ARFGAP3: variants seen among roughly 807,000 people sequenced by gnomAD.
ARFGAP3 encodes the protein ARF GTPase activating protein 3.
ARFGAP3 carries 72 observed loss-of-function variants against 75.0 expected under a neutral mutation model. That is an observed-to-expected ratio of 0.96 (90% confidence interval 0.79 to 1.17). ARFGAP3 has a LOEUF of 1.17. Ranked by LOEUF, ARFGAP3 falls within the 50% of genes most tolerant of loss-of-function variation. ARFGAP3 has a pLI of 0.00. For missense variants in ARFGAP3, 620 were observed against 626.6 expected (o/e 0.99, Z 0.11); for synonymous variants, 221 against 217.9 (o/e 1.01, Z -0.13).
At chr22:42,830,648 A>T (rs1234514529) in intron 6 of ARFGAP3, among the ~76,000 whole-genome samples, 1 of 152,264 alleles carries the variant, frequency 6.6e-6, no homozygotes, top group Non-Finnish European at 1.5e-5. Flanking sequence ...TACTCATGTC[A>T]CAAGTGATTT....
At chr22:42,828,036 G>A (rs756952422) in intron 6 of ARFGAP3, among the ~76,000 whole-genome samples, 1 of 152,190 alleles carries the variant, frequency 6.6e-6, no homozygotes, top group Non-Finnish European at 1.5e-5. Context: ...TGTAATCCCA[G>A]CACTTTGGGA....
At chr22:42,815,287 T>C (rs918175472) in intron 11 of ARFGAP3, among the ~76,000 whole-genome samples, 12 of 152,184 alleles carry the variant, frequency 7.9e-5, no homozygotes, top group African/African-American at 2.9e-4. Flanking sequence ...TTAAAAGGCA[T>C]GATTTGGGTA....
chr22:42,822,197 A>C, intron 9 of ARFGAP3, 73 bp downstream of exon 9: 22 of 1,189,180 alleles, frequency 1.9e-5, no homozygotes, highest in East Asian at 5.5e-5. Context: ...AATACATGGC[A>C]TTTGGAAAGC....
chr22:42,799,244 C>T, intron 14 of ARFGAP3, 84 bp from the exon 15 acceptor site: 1 of 1,569,656 alleles, frequency 6.4e-7, no homozygotes, highest in Non-Finnish European at 8.7e-7. Flanking sequence ...TCAACGGCTC[C>T]AGAGAACCCG....
intron 6 of ARFGAP3, among the ~76,000 whole-genome samples, chr22:42,827,644 G>A (rs1285066642): frequency 2.0e-5 from 3 of 152,202 alleles, no homozygotes; most frequent in African/African-American, 7.2e-5. Context: ...AGGATTACAG[G>A]CGTGAGCCAC....
intron 3 of ARFGAP3, 33 bp downstream of exon 3, chr22:42,840,909 CAA>C (rs762845478): frequency 6.2e-7 from 1 of 1,605,158 alleles, no homozygotes; most frequent in East Asian, 2.2e-5. Context: ...AATATTTAAA[CAA>C]GAAGGAAAAT....
chr22:42,829,151 T>C (rs1408524265), intron 6 of ARFGAP3, among the ~76,000 whole-genome samples: 3 of 152,228 alleles, frequency 2.0e-5, no homozygotes, highest in African/African-American at 7.2e-5. Context: ...ATGGCTCAGG[T>C]AGATTTCTCA....
intron 6 of ARFGAP3, among the ~76,000 whole-genome samples, chr22:42,828,051 G>A (rs780433675): frequency 2.0e-5 from 3 of 151,836 alleles, no homozygotes; most frequent in Admixed American, 6.6e-5. Context: ...TTGGGAGGTC[G>A]AGGCGGGCAG....
At chr22:42,851,745 C>A (rs930182293) in intron 1 of ARFGAP3, among the ~76,000 whole-genome samples, 5 of 152,164 alleles carry the variant, frequency 3.3e-5, no homozygotes, top group African/African-American at 9.7e-5. Flanking sequence ...GCTTTTAAAG[C>A]AGAACATCAG....
At chr22:42,800,209 C>T (rs907335631) in intron 14 of ARFGAP3, among the ~76,000 whole-genome samples, 1 of 152,126 alleles carries the variant, frequency 6.6e-6, no homozygotes, top group Non-Finnish European at 1.5e-5. Context: ...ACTCCCTAAG[C>T]CCCACATGAC....
chr22:42,844,030 T>C (rs959260335), intron 2 of ARFGAP3, among the ~76,000 whole-genome samples: 1 of 152,148 alleles, frequency 6.6e-6, no homozygotes, highest in African/African-American at 2.4e-5. Flanking sequence ...AAAACTCCAG[T>C]TAAATATGCA....
chr22:42,822,417 A>G lies in ARFGAP3; in HGVS notation c.673-8T>C, dbSNP rs1429365044. On this transcript the variant is annotated splice_polypyrimidine_tract_variant and splice_region_variant and intron_variant, in intron 8 of 15. Transcript: ENST00000263245. ...TCCTTTTTTGGCCCCAAGCTAGAAC[A>G]TATATAAGACTATAGTCTACACGAG... 6.2e-7 allele frequency: 1 copy of G among 1,613,568 alleles called. No individual in the cohort carries two copies. Among genetic ancestry groups the G allele is most frequent in the South Asian group, 1.1e-5 (1 of 91,030 alleles).
intron 11 of ARFGAP3, among the ~76,000 whole-genome samples, chr22:42,813,302 G>C (rs935306538): frequency 3.3e-5 from 5 of 152,150 alleles, no homozygotes; most frequent in African/African-American, 1.2e-4. Context: ...TCACGGAGCT[G>C]ACCTGGGACC....
intron 1 of ARFGAP3, among the ~76,000 whole-genome samples, chr22:42,854,763 C>A (rs774062093): frequency 8.5e-5 from 13 of 152,076 alleles, no homozygotes; most frequent in Non-Finnish European, 1.3e-4. Context: ...CTTTGATTAC[C>A]TTTCCTGGCT....
At chr22:42,823,253 G>A (rs542096670) in intron 8 of ARFGAP3, among the ~76,000 whole-genome samples, 1 of 152,038 alleles carries the variant, frequency 6.6e-6, no homozygotes, top group Non-Finnish European at 1.5e-5. Context: ...CCAATACATG[G>A]CAAGGCCAGG....
chr22:42,836,554 T>C (rs1224563821), intron 3 of ARFGAP3, among the ~76,000 whole-genome samples: 4 of 152,180 alleles, frequency 2.6e-5, no homozygotes, highest in Non-Finnish European at 5.9e-5. Context: ...TACTACAATA[T>C]AGGTAAGATG....
At chr22:42,824,016 A>AT (rs1235304333) in intron 7 of ARFGAP3, among the ~76,000 whole-genome samples, 1 of 149,846 alleles carries the variant, frequency 6.7e-6, no homozygotes, top group African/African-American at 2.5e-5. Context: ...GCATTTAAAA[A>AT]ATATATTACA....
intron 2 of ARFGAP3, among the ~76,000 whole-genome samples, chr22:42,845,742 A>G (rs1926987096): frequency 6.6e-6 from 1 of 152,176 alleles, no homozygotes; most frequent in African/African-American, 2.4e-5. Flanking sequence ...AACTCTTAGA[A>G]GAAAACAGAA....
At position 42,799,164 on chromosome 22, in the gene ARFGAP3, CACACACACAGCAG is replaced by C. The variant is rs1442948200; in HGVS notation, c.1412-17_1412-5del. ...ACACTGGACAGGCTGTAGTTCCCTGCACACACACAGCAGACACTGTCTCATCACTGCCCTGGCC... is the reference window on the plus strand; with the variant it reads ...ACACTGGACAGGCTGTAGTTCCCTGCACACTGTCTCATCACTGCCCTGGCC... On this transcript the variant is annotated splice_polypyrimidine_tract_variant and splice_region_variant and intron_variant, in intron 14 of 15. Transcript: ENST00000263245. 1 of 1,613,074 alleles carries C rather than the reference CACACACACAGCAG, an allele frequency of 6.2e-7. No individual in the cohort carries two copies. The highest frequency in any genetic ancestry group is 1.1e-5 in the South Asian group (1 of 91,032).
Sources: allele counts gnomAD v4.1 joint callset (sites outside exome capture counted in the v4.1 genomes callset), GRCh38; gene constraint gnomAD v4.1.1; transcripts MANE v1.5; gene names NCBI Gene and HGNC (gene_info 2026-07-23, HGNC 2026-07-21).